The following CLASRP variants were observed in gnomAD, a reference collection of about 807,000 sequenced individuals.
CLASRP encodes the protein CLK4 associating serine/arginine rich protein.
Under a neutral mutation model 99.9 loss-of-function variants are expected in CLASRP, and 52 were observed. The ratio of observed to expected loss-of-function variants is 0.52; its 90% CI spans 0.42 to 0.66. CLASRP has a LOEUF of 0.66. CLASRP is among the 30% of genes least tolerant of loss of function. CLASRP has a pLI of 0.00. For synonymous variants in CLASRP, 379 were observed against 373.0 expected, an observed-to-expected ratio of 1.02 and a Z score of -0.18; for missense variants, 848 against 999.2, an observed-to-expected ratio of 0.85 and a Z score of 2.04.
At chr19:45,052,192 G>A (rs772078763) in intron 3 of CLASRP, 24 bp downstream of exon 3, 21 of 1,603,998 alleles carry the variant, frequency 1.3e-5, no homozygotes, top group Non-Finnish European at 1.6e-5. Flanking sequence ...GGAAGGCAGG[G>A]GAGTGTCTGA....
Position 45,064,527 on chromosome 19 carries a change from C to G in CLASRP, c.1306C>G (p.Arg436Gly). The G allele has an allele frequency of 6.5e-7, 1 of 1,537,750 alleles. No individual in the cohort carries two copies. The highest frequency in any genetic ancestry group is 1.4e-5 in the African/African-American group (1 of 73,096). ...RSRSRRYSRSRSRGRRHSGGG... is the reference protein window; with the variant it reads ...RSRSRRYSRSGSRGRRHSGGG... ...CCGCTCCCGGCGCTATTCCCGGTCC[C>G]GTAGCCGTGGCCGGCGGCACTCAGG... Residue 436 changes from arginine to glycine, a missense_variant, in exon 13 of 21, where the codon CGT becomes GGT. Arg to Gly is a moderately radical substitution (Grantham distance 125). Around this residue, in one of 8 missense-constraint regions of CLASRP, gnomAD observed 489 missense variants for 434.7 expected, o/e 1.12. Coordinates refer to ENST00000221455, the MANE Select transcript of CLASRP (RefSeq NM_007056.3).
In CLASRP at chr19:45,059,617, G is replaced by A. The variant is rs559705747; in HGVS notation, c.710+253G>A. 7.2e-5 allele frequency among the ~76,000 whole-genome samples: 11 copies of A among 152,288 alleles called. No individual in the cohort carries two copies. In the South Asian group the frequency reaches 2.3e-3, roughly 32 times the overall value. On this transcript the variant is annotated intron_variant, in intron 8 of 20. Coordinates refer to ENST00000221455, the MANE Select transcript of CLASRP (RefSeq NM_007056.3). Reference sequence around the variant, plus strand: ...CCTGGGGCGAATCTGACTCTTCGAAGCTCTGGGGATTCCTAGGCTGGGGGA... The same window carrying A: ...CCTGGGGCGAATCTGACTCTTCGAAACTCTGGGGATTCCTAGGCTGGGGGA...
chr19:45,040,566 A>G (rs1304967801), intron 2 of CLASRP: 1 of 374,704 alleles, frequency 2.7e-6, no homozygotes, highest in Non-Finnish European at 5.1e-6. Context: ...AGTCTCTGTA[A>G]CCCTCAGAGC....
At chr19:45,055,349 T>C (rs536722833) in intron 5 of CLASRP, among the ~76,000 whole-genome samples, 1 of 152,168 alleles carries the variant, frequency 6.6e-6, no homozygotes, top group East Asian at 1.9e-4. Context: ...GTGAGCACAC[T>C]GGAGGGGCAG....
At position 45,062,141 on chromosome 19, in the gene CLASRP, C is replaced by A; in HGVS notation, c.864-13C>A. The A allele has an allele frequency of 6.7e-7, 1 of 1,488,920 alleles. No homozygotes were observed. Among genetic ancestry groups the A allele is most frequent in the Non-Finnish European group, 9.4e-7 (1 of 1,066,530 alleles). The allele number at this position is 1,488,920 out of a possible 1,614,324, so 92.2% of individuals were successfully genotyped here. The stretch of plus-strand genomic sequence containing the variant: ...AAGCCCTAATTTGTCCCACCCCATT[C>A]TTTTCTCTGTAGCTATGCCCGCCGA... On this transcript the variant is annotated splice_polypyrimidine_tract_variant and intron_variant, in intron 10 of 20. Coordinates refer to ENST00000221455, the MANE Select transcript of CLASRP (RefSeq NM_007056.3).
chr19:45,065,563 G>GA (rs536324017), intron 13 of CLASRP, among the ~76,000 whole-genome samples: 4,686 of 113,364 alleles, frequency 0.041, 240 homozygotes, highest in East Asian at 0.28. Context: ...TGCGTCTCAA[G>GA]AAAAAAAAAA....
chr19:45,062,186 C>A lies in CLASRP; in HGVS notation c.896C>A (p.Pro299His). Residue 299 changes from proline to histidine, a missense_variant, in exon 11 of 21, where the codon CCC becomes CAC. By Grantham distance (77) the Pro-to-His change is moderately conservative (BLOSUM62 -2). Transcript: ENST00000221455. ...YARRDSPTYD[P>H]YKRSPSESSS... ...CGCCGAGACAGCCCCACCTATGACC[C>A]CTATAAGCGGTAAGTTGCTCTGGAG... The A allele has an allele frequency of 6.5e-7, 1 of 1,539,482 alleles. No homozygotes were observed. The highest frequency in any genetic ancestry group is 9.0e-7 in the Non-Finnish European group (1 of 1,112,184).
chr19:45,062,719 T>C (rs1009873093), intron 11 of CLASRP, among the ~76,000 whole-genome samples: 2 of 152,220 alleles, frequency 1.3e-5, no homozygotes, highest in Non-Finnish European at 2.9e-5. Flanking sequence ...CTTTATTTTA[T>C]TTTTCTGATT....
intron 13 of CLASRP, among the ~76,000 whole-genome samples, chr19:45,066,490 G>T (rs1219235040): frequency 6.6e-6 from 1 of 151,610 alleles, no homozygotes; most frequent in Non-Finnish European, 1.5e-5. Context: ...GGGTGTGGTT[G>T]TGCACATCTG....
At chr19:45,048,984 T>C (rs1318381146) in intron 2 of CLASRP, among the ~76,000 whole-genome samples, 1 of 152,118 alleles carries the variant, frequency 6.6e-6, no homozygotes, top group East Asian at 1.9e-4. Context: ...AGACTCTGTT[T>C]CAAAAAAAGA....
intron 5 of CLASRP, among the ~76,000 whole-genome samples, chr19:45,054,087 C>T (rs776212777): frequency 2.2e-4 from 34 of 152,226 alleles, no homozygotes; most frequent in Non-Finnish European, 2.9e-4. Context: ...AGCCTTATCA[C>T]CATTGTCATT....
At position 45,064,009 on chromosome 19, in the gene CLASRP, C is replaced by T. The variant is rs763374117; in HGVS notation, c.906-3C>T. ...TAGTGAGCCTCCTCCTCCCTACCCG[C>T]AGGTCACCCTCGGAGTCCAGCTCAG... On this transcript the variant is annotated splice_polypyrimidine_tract_variant and splice_region_variant and intron_variant, in intron 11 of 20. Transcript: ENST00000221455. 1 of 1,607,132 alleles carries T rather than the reference C, an allele frequency of 6.2e-7. No individual in the cohort carries two copies. The highest frequency in any genetic ancestry group is 8.5e-7 in the Non-Finnish European group (1 of 1,177,190).
intron 7 of CLASRP, 108 bp from the exon 8 acceptor site, chr19:45,059,160 T>A: frequency 1.2e-6 from 1 of 857,422 alleles, no homozygotes; most frequent in Non-Finnish European, 1.9e-6. Context: ...TCCTGAAGAA[T>A]CCCTCAGTCT....
At chr19:45,063,920 C>G (rs1050773560) in intron 11 of CLASRP, 92 bp from the exon 12 acceptor site, 2 of 1,474,864 alleles carry the variant, frequency 1.4e-6, no homozygotes, top group South Asian at 2.7e-5. Context: ...CGCTGTGGCC[C>G]GCGCTGGCGC....
Position 45,040,179 on chromosome 19 carries a change from C to T in CLASRP, c.-29-5C>T. 6.5e-7 allele frequency: 1 copy of T among 1,537,604 alleles called. No individual in the cohort carries two copies. The highest frequency in any genetic ancestry group is 1.4e-5 in the African/African-American group (1 of 73,920). On this transcript the variant is annotated splice_polypyrimidine_tract_variant and splice_region_variant and intron_variant, in intron 1 of 20. Transcript: ENST00000221455. The stretch of plus-strand genomic sequence containing the variant: ...TCTGACTTTCCTGGTCCCTTCATCC[C>T]TCAGGTTGAGGCCCCAGGCTTGGCC...
At position 45,052,073 on chromosome 19, in the gene CLASRP, G is replaced by A; in HGVS notation, c.102G>A (p.Lys34=). 6.2e-7 allele frequency: 1 copy of A among 1,613,854 alleles called. No individual in the cohort carries two copies. Among genetic ancestry groups the A allele is most frequent in the Non-Finnish European group, 8.5e-7 (1 of 1,179,934 alleles). ...ERRREYYEKI[K]KDPAQFLQVH... ...CTCAGTCCTGTTTACCCCTGCAGAA[G>A]AAGGACCCAGCCCAGTTCCTGCAGG... The change falls in exon 3 of 21, where the codon AAG becomes AAA. Residue 34 remains lysine, a splice_region_variant and synonymous_variant. Transcript: ENST00000221455.
At chr19:45,050,259 C>A (rs1322371978) in intron 2 of CLASRP, among the ~76,000 whole-genome samples, 1 of 151,974 alleles carries the variant, frequency 6.6e-6, no homozygotes, top group Non-Finnish European at 1.5e-5. Flanking sequence ...GGAGGCAGAG[C>A]CCAGCCTGGA....
intron 5 of CLASRP, among the ~76,000 whole-genome samples, chr19:45,053,482 T>G (rs1212923899): frequency 6.6e-6 from 1 of 152,140 alleles, no homozygotes. Flanking sequence ...TTATTTTTAT[T>G]TATTTATTTA....
At chr19:45,042,084 T>G (rs1383774965) in intron 2 of CLASRP, among the ~76,000 whole-genome samples, 1 of 152,198 alleles carries the variant, frequency 6.6e-6, no homozygotes, top group Non-Finnish European at 1.5e-5. Context: ...GGCTCACGCC[T>G]GTAATCCCAG....
Sources: allele counts gnomAD v4.1 joint callset (sites outside exome capture counted in the v4.1 genomes callset), GRCh38; gene constraint gnomAD v4.1.1; regional missense constraint gnomAD v4.1.1; transcripts MANE v1.5; gene names NCBI Gene and HGNC (gene_info 2026-07-23, HGNC 2026-07-21).